RBM19: variants seen among roughly 807,000 people sequenced by gnomAD.
RBM19 encodes the protein probable RNA-binding protein 19.
RBM19 carries 94 observed loss-of-function variants against 116.8 expected under a neutral mutation model. The observed-to-expected ratio is 0.80, with a 90% CI of 0.68 to 0.95. The LOEUF is 0.95. Ranked by LOEUF, RBM19 falls within the 40% of genes least tolerant of loss-of-function variation. The pLI, the probability that RBM19 is intolerant of heterozygous loss-of-function variation, is 0.00. For missense variants in RBM19, 1,161 were observed against 1,220.7 expected (o/e 0.95, Z 0.73); for synonymous variants, 475 against 494.1 (o/e 0.96, Z 0.51).
chr12:113,895,953 C>T (rs1023054246), intron 21 of RBM19, among the ~76,000 whole-genome samples: 11 of 151,504 alleles, frequency 7.3e-5, no homozygotes, highest in African/African-American at 2.7e-4. Context: ...TATACATGTA[C>T]ATATCTATGT....
intron 15 of RBM19, among the ~76,000 whole-genome samples, chr12:113,938,038 C>A (rs1272560853): frequency 6.6e-6 from 1 of 152,158 alleles, no homozygotes; most frequent in Non-Finnish European, 1.5e-5. Context: ...TGGGTCAGGG[C>A]ACCTCTCTGG....
chr12:113,862,344 C>A (rs1056352765), intron 21 of RBM19, among the ~76,000 whole-genome samples: 3 of 152,086 alleles, frequency 2.0e-5, no homozygotes, highest in Non-Finnish European at 4.4e-5. Context: ...CTTCTCCCAG[C>A]CCAAGAACAA....
chr12:113,909,656 G>A (rs117962555), intron 21 of RBM19, among the ~76,000 whole-genome samples: 1,670 of 152,280 alleles, frequency 0.011, 18 homozygotes, highest in Admixed American at 0.027. Flanking sequence ...GACAGCGGAA[G>A]CTCACAGGTG....
intron 20 of RBM19, among the ~76,000 whole-genome samples, chr12:113,915,475 G>A (rs1223559675): frequency 6.6e-6 from 1 of 152,148 alleles, no homozygotes; most frequent in Non-Finnish European, 1.5e-5. Context: ...TCAATAACCC[G>A]AGGAGGAACA....
rs773521232 is a variant in RBM19, at chr12:113,950,143, C to T, written c.1012G>A (p.Val338Met). ...AHGNKTGYIF[V>M]DFSNEEEVKQ... ...ACTTCCTCTTCATTGCTGAAATCCA[C>T]AAAGATGTATCCTGACAGAGGACAA... Residue 338 changes from valine (V) to methionine (M), a missense_variant, in exon 9 of 24, where the codon GTG becomes ATG. Val to Met is a conservative substitution (Grantham distance 21). Transcript: ENST00000261741. 1.2e-6 allele frequency: 2 copies of T among 1,609,414 alleles called. No homozygotes were observed. The highest frequency in any genetic ancestry group is 1.7e-5 in the Admixed American group (1 of 59,972).
chr12:113,818,266 C>T (rs1191780656), downstream of RBM19: 1 of 147,808 alleles, frequency 6.8e-6, no homozygotes, highest in African/African-American at 2.5e-5. Context: ...CACACAGACA[C>T]AGCAATAGAC....
At chr12:113,913,697 C>T (rs965177207) in intron 21 of RBM19, among the ~76,000 whole-genome samples, 1 of 152,188 alleles carries the variant, frequency 6.6e-6, no homozygotes, top group Non-Finnish European at 1.5e-5. Flanking sequence ...ATTTTGTAAC[C>T]ACAGATTACC....
rs146061773 is a variant in RBM19, at chr12:113,923,185, T to C, written c.2305+1512A>G. ...TCATTAGGGTGGGCCCTAAATCCAATATGATTGGATGACTGCTGTTCTTTT... is the reference window on the plus strand; with the variant it reads ...TCATTAGGGTGGGCCCTAAATCCAACATGATTGGATGACTGCTGTTCTTTT... On this transcript the variant is annotated intron_variant, in intron 18 of 23. Coordinates refer to ENST00000261741, the MANE Select transcript of RBM19 (RefSeq NM_016196.4). Among the ~76,000 whole-genome samples, 655 of 152,204 alleles carry C rather than the reference T, an allele frequency of 4.3e-3. 5 individuals are homozygous for C. The highest frequency in any genetic ancestry group is 5.8e-3 in the Non-Finnish European group (397 of 68,002).
chr12:113,858,854 C>T lies in RBM19; in HGVS notation c.2601G>A (p.Met867Ile), dbSNP rs771538469. Residue 867 changes from methionine (M) to isoleucine (I), a missense_variant, in exon 22 of 24, where the codon ATG becomes ATA. By Grantham distance (10) the Met-to-Ile change is conservative (BLOSUM62 1). Coordinates refer to ENST00000261741, the MANE Select transcript of RBM19 (RefSeq NM_016196.4). ...AGCCTCTGTGTGTGCCTGTCCCAGT[C>T]ATCTTCTTTGGCAGGCGGACCGTCT... ...ELKTVRLPKK[M>I]TGTGTHRGFG... 2 of 1,614,162 alleles carry T rather than the reference C, an allele frequency of 1.2e-6. No individual in the cohort carries two copies. The highest frequency in any genetic ancestry group is 2.2e-5 in the East Asian group (1 of 44,862).
intron 23 of RBM19, among the ~76,000 whole-genome samples, chr12:113,836,237 G>A (rs1008211938): frequency 6.6e-6 from 1 of 152,208 alleles, no homozygotes; most frequent in African/African-American, 2.4e-5. Context: ...GTGCGGGGCA[G>A]TGGGCAGGGG....
chr12:113,897,822 AG>A (rs1881442418), intron 21 of RBM19, among the ~76,000 whole-genome samples: 1 of 152,232 alleles, frequency 6.6e-6, no homozygotes, highest in Admixed American at 6.5e-5. Context: ...CAGCTGTAGT[AG>A]CCCTTCCCTC....
At chr12:113,832,054 C>T (rs895779724) in intron 23 of RBM19, among the ~76,000 whole-genome samples, 1 of 152,220 alleles carries the variant, frequency 6.6e-6, no homozygotes, top group Non-Finnish European at 1.5e-5. Context: ...CCTCCAGCAG[C>T]TGAGATAGCC....
intron 21 of RBM19, among the ~76,000 whole-genome samples, chr12:113,900,243 A>T (rs1881603535): frequency 6.6e-6 from 1 of 152,198 alleles, no homozygotes; most frequent in Non-Finnish European, 1.5e-5. Context: ...CAAACTAAGG[A>T]GGCTTCCACG....
chr12:113,881,987 G>T (rs1191801477), intron 21 of RBM19, among the ~76,000 whole-genome samples: 2 of 152,208 alleles, frequency 1.3e-5, no homozygotes, highest in Non-Finnish European at 2.9e-5. Context: ...CTGGCCACTC[G>T]GTACAGCTGG....
chr12:113,927,018 C>A (rs761646087), intron 17 of RBM19, 36 bp downstream of exon 17: 1 of 1,595,298 alleles, frequency 6.3e-7, no homozygotes, highest in East Asian at 2.2e-5. Context: ...GTTTCCCATC[C>A]CACGCCCCTC....
intron 15 of RBM19, among the ~76,000 whole-genome samples, chr12:113,937,852 T>C (rs1870212888): frequency 1.3e-5 from 2 of 151,918 alleles, no homozygotes; most frequent in Non-Finnish European, 2.9e-5. Flanking sequence ...ACTGGGGAGC[T>C]GCAGGACAGG....
intron 11 of RBM19, 25 bp downstream of exon 11, chr12:113,947,309 T>C: frequency 1.3e-6 from 2 of 1,566,904 alleles, no homozygotes; most frequent in Non-Finnish European, 1.7e-6. Context: ...CACAGCCTCC[T>C]GGCCAGCCCA....
At chr12:113,829,830 G>A (rs982731392) in intron 23 of RBM19, among the ~76,000 whole-genome samples, 1 of 152,188 alleles carries the variant, frequency 6.6e-6, no homozygotes. Flanking sequence ...ACAATCAAAG[G>A]GTCCTGTGAG....
At chr12:113,830,810 A>T (rs1875348323) in intron 23 of RBM19, among the ~76,000 whole-genome samples, 1 of 152,198 alleles carries the variant, frequency 6.6e-6, no homozygotes, top group South Asian at 2.1e-4. Context: ...GGTCCACATT[A>T]GTTACTGATC....
Sources: gnomAD v4.1 joint callset for allele counts (sites outside exome capture counted in the v4.1 genomes callset) on GRCh38, gnomAD v4.1.1 for gene constraint, MANE v1.5 for transcripts, NCBI Gene and HGNC (gene_info 2026-07-23, HGNC 2026-07-21) for gene names.